VAC14: variants seen among roughly 807,000 people sequenced by gnomAD.
VAC14 encodes the protein protein VAC14 homolog.
A neutral mutation model predicts 85.3 loss-of-function variants in VAC14; 47 were observed. The ratio of observed to expected loss-of-function variants is 0.55; its 90% CI spans 0.44 to 0.70. The LOEUF is 0.70. VAC14 is among the 30% of genes least tolerant of loss of function. VAC14 has a pLI of 0.00. For missense variants in VAC14, 861 were observed against 1,004.3 expected (o/e 0.86, Z 1.93); for synonymous variants, 447 against 430.5 (o/e 1.04, Z -0.47).
Position 70,762,622 on chromosome 16 carries a change from C to T in VAC14, c.1306-17G>A, listed in dbSNP as rs2032489870. 1 of 1,613,756 alleles carries T rather than the reference C, an allele frequency of 6.2e-7. No homozygotes were observed. Among genetic ancestry groups the T allele is most frequent in the Non-Finnish European group, 8.5e-7 (1 of 1,179,802 alleles). On this transcript the variant is annotated splice_polypyrimidine_tract_variant and intron_variant, in intron 11 of 18. Transcript: ENST00000261776. The surrounding 1 kb of genome is among the most constrained non-coding windows in gnomAD (Gnocchi z 4.1). The stretch of plus-strand genomic sequence containing the variant: ...CCGGAACATCTGGAGGGCAGAGAAG[C>T]AGGGGTGCCCGTGAGTGCTCCCTTC...
chr16:70,695,516 G>T (rs763524080), intron 17 of VAC14, 28 bp downstream of exon 17: 4 of 1,611,446 alleles, frequency 2.5e-6, no homozygotes, highest in African/African-American at 1.3e-5. Context: ...GACTCATGGC[G>T]CGAGGTGTGG....
chr16:70,740,883 T>C (rs983634994), intron 13 of VAC14, among the ~76,000 whole-genome samples: 12 of 152,158 alleles, frequency 7.9e-5, no homozygotes, highest in Admixed American at 7.9e-4. Context: ...GAAAATCCCA[T>C]GTGGGCGACT....
chr16:70,788,736 C>T (rs934229380), intron 1 of VAC14, among the ~76,000 whole-genome samples: 4 of 152,122 alleles, frequency 2.6e-5, no homozygotes, highest in South Asian at 2.1e-4. Flanking sequence ...GCCATGCGGG[C>T]GGCCGGGCTT....
At chr16:70,786,513 C>T in intron 1 of VAC14, 148 bp from the exon 2 acceptor site, 1 of 1,001,084 alleles carries the variant, frequency 1.0e-6, no homozygotes, top group Admixed American at 2.8e-5. Flanking sequence ...AGTTCTGTTG[C>T]TGGCTGAGTC....
intron 14 of VAC14, among the ~76,000 whole-genome samples, chr16:70,710,653 GT>G (rs1209806645): frequency 2.0e-5 from 3 of 152,222 alleles, no homozygotes; most frequent in Non-Finnish European, 4.4e-5. Context: ...GTATTCCACA[GT>G]TTACAGATGG....
intron 1 of VAC14, 68 bp from the exon 2 acceptor site, chr16:70,786,433 C>A (rs1317980527): frequency 6.4e-7 from 1 of 1,574,298 alleles, no homozygotes; most frequent in Non-Finnish European, 8.7e-7. Flanking sequence ...GGGCCTGGGG[C>A]GGCAATGAGG....
chr16:70,741,403 A>G (rs1247000265), intron 13 of VAC14, among the ~76,000 whole-genome samples: 3 of 151,970 alleles, frequency 2.0e-5, no homozygotes, highest in African/African-American at 7.3e-5. Flanking sequence ...GGGGGCGGGG[A>G]AGCAGGGCAC....
chr16:70,742,549 T>G (rs2030441876), intron 13 of VAC14, among the ~76,000 whole-genome samples: 1 of 152,218 alleles, frequency 6.6e-6, no homozygotes, highest in African/African-American at 2.4e-5. Context: ...AGGGTCAGGA[T>G]GTGGGAACCA....
At chr16:70,702,351 G>A (rs1485503074) in intron 14 of VAC14, among the ~76,000 whole-genome samples, 2 of 152,204 alleles carry the variant, frequency 1.3e-5, no homozygotes, top group Non-Finnish European at 2.9e-5. Flanking sequence ...CTCTGAGTGA[G>A]GTGTCTCCCT....
intron 9 of VAC14, among the ~76,000 whole-genome samples, chr16:70,774,208 A>C (rs1431030589): frequency 6.6e-6 from 1 of 152,186 alleles, no homozygotes; most frequent in Non-Finnish European, 1.5e-5. Flanking sequence ...GCATTTAGCT[A>C]AACTGTCTTC....
At chr16:70,784,464 C>T (rs2033957726) in intron 4 of VAC14, among the ~76,000 whole-genome samples, 2 of 152,190 alleles carry the variant, frequency 1.3e-5, no homozygotes, top group African/African-American at 2.4e-5. Context: ...AGACCCTACT[C>T]TCTGTGGTCT....
At chr16:70,696,119 T>C (rs2053702122) in intron 16 of VAC14, among the ~76,000 whole-genome samples, 1 of 152,188 alleles carries the variant, frequency 6.6e-6, no homozygotes, top group Non-Finnish European at 1.5e-5. Flanking sequence ...TCTTCCTTAC[T>C]CCCAACTCCT....
chr16:70,774,331 G>A (rs52826576), intron 9 of VAC14, among the ~76,000 whole-genome samples: 12,204 of 152,126 alleles, frequency 0.08, 519 homozygotes, highest in Middle Eastern at 0.14. Flanking sequence ...TTGGTCTCAC[G>A]TTTTCTCACG....
intron 14 of VAC14, among the ~76,000 whole-genome samples, chr16:70,703,790 C>T (rs2053873306): frequency 6.6e-6 from 1 of 152,190 alleles, no homozygotes; most frequent in African/African-American, 2.4e-5. Context: ...TCTGAACTTC[C>T]CGGAGCCCAG....
chr16:70,708,385 G>A (rs1313890435), intron 14 of VAC14, among the ~76,000 whole-genome samples: 1 of 152,226 alleles, frequency 6.6e-6, no homozygotes, highest in Non-Finnish European at 1.5e-5. Flanking sequence ...AAGGTGGCCT[G>A]GGTTACTTTG....
Position 70,695,526 on chromosome 16 carries a change from G to A in VAC14, c.2035+18C>T, listed in dbSNP as rs779727690. 1 of 1,613,472 alleles carries A rather than the reference G, an allele frequency of 6.2e-7. No individual in the cohort carries two copies. ...CCTTGGACTCATGGCGCGAGGTGTG[G>A]TGGGAGGTGGTTCTTACATGTGAAG... On this transcript the variant is annotated intron_variant, in intron 17 of 18. Transcript: ENST00000261776.
intron 14 of VAC14, among the ~76,000 whole-genome samples, chr16:70,720,889 T>C (rs552438706): frequency 1.7e-4 from 26 of 152,244 alleles, no homozygotes; most frequent in African/African-American, 5.8e-4. Context: ...AGGAAGCAGC[T>C]TGCGAAAAAG....
intron 1 of VAC14, among the ~76,000 whole-genome samples, chr16:70,789,098 G>C (rs2034204912): frequency 6.6e-6 from 1 of 152,166 alleles, no homozygotes; most frequent in African/African-American, 2.4e-5. Flanking sequence ...CGCAGAATGT[G>C]GTGGGAGGAC....
Position 70,707,208 on chromosome 16 carries a change from T to C in VAC14, c.1662-8397A>G, listed in dbSNP as rs146850731. ...ATGAAAACTGTAAATCTGTTTTATT[T>C]ATTTCAATCAATCCTCGGCAGTGTG... On this transcript the variant is annotated intron_variant, in intron 14 of 18. Coordinates refer to ENST00000261776, the MANE Select transcript of VAC14 (RefSeq NM_018052.5). Among the ~76,000 whole-genome samples the C allele has an allele frequency of 1.0e-3, 153 of 152,390 alleles. 1 individual carries two copies. The highest frequency in any genetic ancestry group is 3.3e-3 in the African/African-American group (137 of 41,596).
Sources: gnomAD v4.1 joint callset for allele counts (sites outside exome capture counted in the v4.1 genomes callset) on GRCh38, gnomAD v4.1.1 for gene constraint, Gnocchi (gnomAD v3.1) non-coding constraint, MANE v1.5 for transcripts, NCBI Gene and HGNC (gene_info 2026-07-23, HGNC 2026-07-21) for gene names.